RANGAP1: variants seen among roughly 807,000 people sequenced by gnomAD.
RANGAP1 encodes Ran GTPase activating protein 1.
RANGAP1 carries 38 observed loss-of-function variants against 63.5 expected under a neutral mutation model. The ratio of observed to expected loss-of-function variants is 0.60; its 90% CI spans 0.46 to 0.78. RANGAP1 has a LOEUF of 0.78. Ranked by LOEUF, RANGAP1 falls within the 30% of genes least tolerant of loss-of-function variation. The probability of loss-of-function intolerance (pLI) is 0.00; values close to 1 mark genes in which losing one functional copy is unlikely to be tolerated. For missense variants in RANGAP1, 630 were observed against 740.3 expected (o/e 0.85, Z 1.73); for synonymous variants, 329 against 310.5 (o/e 1.06, Z -0.63).
At chr22:41,249,619 C>A (rs372173366) in intron 14 of RANGAP1, 110 bp downstream of exon 14, 2 of 1,523,768 alleles carry the variant, frequency 1.3e-6, no homozygotes, top group Non-Finnish European at 9.0e-7. Context: ...GCCCCGTGGG[C>A]GAGCCGGCTC....
chr22:41,263,003 CA>C (rs1440544957), intron 5 of RANGAP1, among the ~76,000 whole-genome samples: 1 of 152,182 alleles, frequency 6.6e-6, no homozygotes, highest in Admixed American at 6.5e-5. Flanking sequence ...TCTGAGCTCC[CA>C]AGAGGCATAG....
At chr22:41,273,120 T>G (rs2034934131) in intron 3 of RANGAP1, among the ~76,000 whole-genome samples, 1 of 152,114 alleles carries the variant, frequency 6.6e-6, no homozygotes, top group South Asian at 2.1e-4. Context: ...AATGAGCCCC[T>G]CTGAGCCTCA....
chr22:41,260,954 G>A (rs1362264613), intron 6 of RANGAP1, among the ~76,000 whole-genome samples: 2 of 152,228 alleles, frequency 1.3e-5, no homozygotes, highest in Non-Finnish European at 2.9e-5. Flanking sequence ...AATGTCCTGC[G>A]GGGATGGGGA....
chr22:41,280,810 T>C, intron 2 of RANGAP1, 123 bp downstream of exon 2: 7 of 1,536,184 alleles, frequency 4.6e-6, no homozygotes, highest in South Asian at 2.4e-5. Flanking sequence ...CAATGATACC[T>C]CACAGAGCTG....
In RANGAP1 at chr22:41,254,430, CCTCTT is replaced by C; in HGVS notation, c.1133_1137del (p.Glu378GlyfsTer5). 6.2e-7 allele frequency: 1 copy of C among 1,612,618 alleles called. No homozygotes were observed. Among genetic ancestry groups the C allele is most frequent in the Non-Finnish European group, 8.5e-7 (1 of 1,179,252 alleles). Reference sequence around the variant, plus strand: ...TCCTCCTCTTCCTCATCTTCCTCCTCCTCTTCTTCTGCTTCCTCTTCTTCCTCTTC... The same window carrying C: ...TCCTCCTCTTCCTCATCTTCCTCCTCCTTCTGCTTCCTCTTCTTCCTCTTC... On this transcript the variant is annotated frameshift_variant, in exon 11 of 16. Transcript: ENST00000356244. LOFTEE classifies it high-confidence loss of function.
chr22:41,281,572 A>G, intron 1 of RANGAP1: 1 of 988,732 alleles, frequency 1.0e-6, no homozygotes, highest in East Asian at 1.1e-4. Flanking sequence ...CCACGCTGGC[A>G]TGACTCTGGG....
In RANGAP1 at chr22:41,264,658, A is replaced by G. The variant is rs1398955294; in HGVS notation, c.480+6T>C. 6.2e-7 allele frequency: 1 copy of G among 1,608,272 alleles called. No individual in the cohort carries two copies. The highest frequency in any genetic ancestry group is 1.7e-5 in the Admixed American group (1 of 59,868). ...GACTCTGCGGGGAGGGGGCTGCCAC[A>G]CCCACCTTGCCGCCGCCAATGCCCA... On this transcript the variant is annotated splice_donor_region_variant and intron_variant, in intron 5 of 15. Coordinates refer to ENST00000356244, the MANE Select transcript of RANGAP1 (RefSeq NM_002883.4).
Position 41,268,133 on chromosome 22 carries a change from G to T in RANGAP1, c.264C>A (p.Phe88Leu), listed in dbSNP as rs2034592154. ...ELKRCHWSDMFTGRLRTEIPP... is the reference protein window; with the variant it reads ...ELKRCHWSDMLTGRLRTEIPP... ...GGATCTCGGTCCGCAGCCTTCCCGT[G>T]AACATGTCACTCCAGTGGCAGCGCT... is the stretch of plus-strand genomic sequence containing the variant. Residue 88 changes from phenylalanine (F) to leucine (L), a missense_variant, in exon 4 of 16, where the codon TTC becomes TTA. Phe to Leu is a conservative substitution (Grantham distance 22). Coordinates refer to ENST00000356244, the MANE Select transcript of RANGAP1 (RefSeq NM_002883.4). 1 of 1,557,932 alleles carries T rather than the reference G, an allele frequency of 6.4e-7. No individual in the cohort carries two copies. Among genetic ancestry groups the T allele is most frequent in the Non-Finnish European group, 8.7e-7 (1 of 1,150,110 alleles).
intron 5 of RANGAP1, among the ~76,000 whole-genome samples, chr22:41,262,883 G>A (rs1411715593): frequency 2.0e-5 from 3 of 152,142 alleles, no homozygotes; most frequent in African/African-American, 7.2e-5. Context: ...ACTCCTCTGG[G>A]CCCTTCTATT....
Position 41,274,715 on chromosome 22 carries a change from A to G in RANGAP1, c.125T>C (p.Ile42Thr). 1.2e-6 allele frequency: 2 copies of G among 1,614,096 alleles called. No individual in the cohort carries two copies. The highest frequency in any genetic ancestry group is 2.2e-5 in the East Asian group (1 of 44,866). The change falls in exon 3 of 16, where the codon ATT becomes ACT. Residue 42 changes from isoleucine to threonine, a missense_variant. Ile to Thr is a moderately conservative substitution (Grantham distance 89). Transcript: ENST00000356244. ...GCTGTCAAAGTCTTCAATCTCTTTA[A>G]TCACATCTTTAGCTGCCAGGGACCA... ...LNTAEDAKDV[I>T]KEIEDFDSLE...
rs2033570084 is a variant in RANGAP1 at position 41,252,917 on chromosome 22, C to G, written c.1335G>C (p.Lys445Asn). Reference sequence around the variant, plus strand: ...AGCTCTTGGGCCCTAGGCGCAGCAGCTTCTCTGGAGAGGGAAAAGCCAGGA... The same window carrying G: ...AGCTCTTGGGCCCTAGGCGCAGCAGGTTCTCTGGAGAGGGAAAAGCCAGGA... Reference protein sequence around the residue: ...STFLAFPSPEKLLRLGPKSSV... With the variant: ...STFLAFPSPENLLRLGPKSSV... The change falls in exon 12 of 16, where the codon AAG becomes AAC. Residue 445 changes from lysine to asparagine, a missense_variant. By Grantham distance (94) the Lys-to-Asn change is moderately conservative. This residue lies in a region of RANGAP1 where 428 missense variants were observed against 465.5 expected (regional missense o/e 0.92). Coordinates refer to ENST00000356244, the MANE Select transcript of RANGAP1 (RefSeq NM_002883.4). 1.9e-6 allele frequency: 3 copies of G among 1,570,488 alleles called. No individual in the cohort carries two copies. The highest frequency in any genetic ancestry group is 2.6e-6 in the Non-Finnish European group (3 of 1,160,780).
the RANGAP1 span, among the ~76,000 whole-genome samples, chr22:41,301,144 ATG>A: frequency 6.6e-6 from 1 of 151,880 alleles, no homozygotes; most frequent in African/African-American, 2.4e-5. Flanking sequence ...TGATTCTTCT[ATG>A]TGTCTCCGGT....
At chr22:41,270,789 T>C (rs151279277) in intron 3 of RANGAP1, among the ~76,000 whole-genome samples, 253 of 152,224 alleles carry the variant, frequency 1.7e-3, no homozygotes, top group African/African-American at 5.5e-3. Flanking sequence ...CTCAGCTGTC[T>C]GCTCTACACC....
intron 13 of RANGAP1, among the ~76,000 whole-genome samples, chr22:41,250,031 A>T (rs2033333079): frequency 6.6e-6 from 1 of 152,146 alleles, no homozygotes; most frequent in Admixed American, 6.5e-5. Flanking sequence ...CAGCTGTGAC[A>T]CTCTGGCCCT....
upstream of RANGAP1, among the ~76,000 whole-genome samples, chr22:41,290,733 G>C (rs1676748748): frequency 6.6e-6 from 1 of 152,120 alleles, no homozygotes; most frequent in Admixed American, 6.6e-5. Flanking sequence ...ATTCCATTCT[G>C]GTGCCTGAAA....
Position 41,256,731 on chromosome 22 carries a change from C to T in RANGAP1, c.868G>A (p.Gly290Ser), listed in dbSNP as rs370663698. The T allele has an allele frequency of 1.9e-6, 3 of 1,613,882 alleles. No individual in the cohort carries two copies. The highest frequency in any genetic ancestry group is 2.7e-5 in the African/African-American group (2 of 74,922). ...GAVAIADAIR[G>S]GLPKLKELNL... is the part of the protein sequence containing the mutation. ...GGCACCTTTAGCTTGGGCAGGCCGC[C>T]GCGGATGGCATCTGCAATGGCAACT... The change falls in exon 8 of 16, where the codon GGC becomes AGC. Residue 290 changes from glycine (G) to serine (S), a missense_variant. Physicochemically the swap from Gly to Ser is moderately conservative, Grantham distance 56 (BLOSUM62 0). This residue lies in a region of RANGAP1 where 428 missense variants were observed against 465.5 expected (regional missense o/e 0.92). Coordinates refer to ENST00000356244, the MANE Select transcript of RANGAP1 (RefSeq NM_002883.4).
At chr22:41,265,756 G>A (rs1326066768) in intron 4 of RANGAP1, among the ~76,000 whole-genome samples, 2 of 152,200 alleles carry the variant, frequency 1.3e-5, no homozygotes, top group Non-Finnish European at 2.9e-5. Context: ...AAATGGGGCT[G>A]AGCAGGTGGT....
chr22:41,268,068 T>G (rs773566598), intron 4 of RANGAP1, 29 bp downstream of exon 4: 1 of 1,509,260 alleles, frequency 6.6e-7, no homozygotes, highest in African/African-American at 1.4e-5. Flanking sequence ...GCCTTGCGCG[T>G]GGAGGGGAAG....
upstream of RANGAP1, among the ~76,000 whole-genome samples, chr22:41,286,575 G>A (rs994449132): frequency 1.3e-5 from 2 of 152,236 alleles, no homozygotes; most frequent in African/African-American, 4.8e-5. Context: ...TGGCTGCTGG[G>A]TCTCTTGGGC....
Sources: allele counts gnomAD v4.1 joint callset (sites outside exome capture counted in the v4.1 genomes callset), GRCh38; gene constraint gnomAD v4.1.1; regional missense constraint gnomAD v4.1.1; transcripts MANE v1.5; gene names NCBI Gene and HGNC (gene_info 2026-07-23, HGNC 2026-07-21).